Variants in PIGT observed in about 807,000 individuals in gnomAD.
The protein encoded by PIGT is GPI-anchor transamidase component PIGT.
PIGT carries 57 observed loss-of-function variants against 66.7 expected under a neutral mutation model. The observed-to-expected ratio is 0.86, with a 90% CI of 0.69 to 1.07. The LOEUF (loss-of-function observed/expected upper bound fraction) is 1.07. PIGT is among the 50% of genes least tolerant of loss of function. The probability of loss-of-function intolerance (pLI) is 0.00; values close to 1 mark genes in which losing one functional copy is unlikely to be tolerated. For synonymous variants in PIGT, 362 were observed against 320.5 expected (o/e 1.13, Z -1.38); for missense variants, 725 against 740.4 (o/e 0.98, Z 0.24).
In PIGT at chr20:45,420,137, A is replaced by C. The variant is rs748508874; in HGVS notation, c.683A>C (p.Asn228Thr). 1 of 1,609,924 alleles carries C rather than the reference A, an allele frequency of 6.2e-7. No homozygotes were observed. Among genetic ancestry groups the C allele is most frequent in the African/African-American group, 1.3e-5 (1 of 74,970 alleles). Residue 228 changes from asparagine to threonine, a missense_variant and splice_region_variant, in exon 6 of 12, where the codon AAT (asparagine) becomes ACT (threonine). Around this residue, in one of 3 missense-constraint regions of PIGT, gnomAD observed 559 missense variants for 552.7 expected, o/e 1.01. Transcript: ENST00000279036. ...GCTGCCATCTGGCCCTTGTGATAGA[A>C]TGCACGCTGTACTAGCATCTCCTGG... ...QAVHIRPVCRNARCTSISWEL... is the reference protein window; with the variant it reads ...QAVHIRPVCRTARCTSISWEL...
rs915624278 is a variant in PIGT, at chr20:45,420,884, A to G, written c.1033+191A>G. The stretch of plus-strand genomic sequence containing the variant: ...CTAAACTCCCCAAGCTTCAGCATCC[A>G]CATCTGAAAAATAGAGTATACTTAG... On this transcript the variant is annotated intron_variant, in intron 8 of 11. Transcript: ENST00000279036. The G allele has an allele frequency of 1.4e-4, 89 of 615,668 alleles. No individual in the cohort carries two copies. In the South Asian group the frequency reaches 1.7e-3, roughly 12 times the overall value. 38.1% of individuals were successfully genotyped at this position (615,668 alleles called of 1,614,324 possible). A position where few individuals can be genotyped will look rare whatever the true frequency, so the allele number is the denominator to read the frequency against.
chr20:45,419,758 G>C, intron 5 of PIGT, 168 bp downstream of exon 5: 1 of 631,824 alleles, frequency 1.6e-6, no homozygotes, highest in Non-Finnish European at 2.8e-6. Flanking sequence ...TGCCTAGCAA[G>C]CACTGAATAA....
At position 45,425,814 on chromosome 20, in the gene PIGT, C is replaced by T; in HGVS notation, c.1725C>T (p.Val575=). ...ACCTTATCCGGCGCGCCCGAGGTGTCCCCCCACTCTGATTCTTGCCCTTTC... is the reference window on the plus strand; with the variant it reads ...ACCTTATCCGGCGCGCCCGAGGTGTTCCCCCACTCTGATTCTTGCCCTTTC... ...LANLIRRARG[V]PPL Residue 575 remains valine (V), a synonymous_variant, in exon 12 of 12, where the codon GTC becomes GTT. Coordinates refer to ENST00000279036, the MANE Select transcript of PIGT (RefSeq NM_015937.6). 1 of 1,613,214 alleles carries T rather than the reference C, an allele frequency of 6.2e-7. No homozygotes were observed. The highest frequency in any genetic ancestry group is 1.1e-5 in the South Asian group (1 of 91,044).
intron 9 of PIGT, chr20:45,421,844 T>C: frequency 2.4e-6 from 1 of 410,370 alleles, no homozygotes; most frequent in East Asian, 4.3e-5. Context: ...AGCTTCCTTT[T>C]TCACTTACTT....
chr20:45,420,840 T>A, intron 8 of PIGT, 147 bp downstream of exon 8: 1 of 805,356 alleles, frequency 1.2e-6, no homozygotes, highest in Non-Finnish European at 2.0e-6. Context: ...TTCCAAGCTC[T>A]ACGATTTTGG....
At position 45,421,177 on chromosome 20, in the gene PIGT, A is replaced by G. The variant is rs142511269; in HGVS notation, c.1034-206A>G. ...GGGGCACGGTGTTCGTCACGTAAGC[A>G]CTTCAATACTAGCAACCTATTGTCA... is the stretch of plus-strand genomic sequence containing the variant. On this transcript the variant is annotated intron_variant, in intron 8 of 11. Transcript: ENST00000279036. 1.7e-3 allele frequency: 987 copies of G among 587,126 alleles called. 8 individuals carry two copies. The highest frequency in any genetic ancestry group is 0.016 in the African/African-American group (860 of 53,712). 36.4% of individuals were successfully genotyped at this position (587,126 alleles called of 1,614,324 possible).
At position 45,416,153 on chromosome 20, in the gene PIGT, A is replaced by C; in HGVS notation, c.-4A>C. On this transcript the variant is annotated 5_prime_UTR_variant, in exon 1 of 12. Coordinates refer to ENST00000279036, the MANE Select transcript of PIGT (RefSeq NM_015937.6). ...CCGCTGGGTAGGCGGAAGTAGCCGC[A>C]GGCATGGCGGCGGCTATGCCGCTTG... 6.4e-7 allele frequency: 1 copy of C among 1,553,522 alleles called. No homozygotes were observed. The highest frequency in any genetic ancestry group is 8.7e-7 in the Non-Finnish European group (1 of 1,151,234).
rs1568950600 is a variant in PIGT at position 45,421,435 on chromosome 20, G to C, written c.1086G>C (p.Gly362=). The C allele has an allele frequency of 6.2e-7, 1 of 1,614,064 alleles. No individual in the cohort carries two copies. Among genetic ancestry groups the C allele is most frequent in the Admixed American group, 1.7e-5 (1 of 60,004 alleles). Residue 362 remains glycine, a synonymous_variant, in exon 9 of 12, where the codon GGG becomes GGC. Coordinates refer to ENST00000279036, the MANE Select transcript of PIGT (RefSeq NM_015937.6). Reference sequence around the variant, plus strand: ...CCCAGCGGTACGTGAGTGGCTATGGGCTGCAGAAGGGGGAGCTGAGCACAC... The same window carrying C: ...CCCAGCGGTACGTGAGTGGCTATGGCCTGCAGAAGGGGGAGCTGAGCACAC... The part of the protein sequence containing the change: ...LHAQRYVSGY[G]LQKGELSTLL...
At position 45,425,802 on chromosome 20, in the gene PIGT, C is replaced by T. The variant is rs749317377; in HGVS notation, c.1713C>T (p.Arg571=). 1.7e-5 allele frequency: 27 copies of T among 1,613,696 alleles called. No individual in the cohort carries two copies. The highest frequency in any genetic ancestry group is 1.5e-4 in the South Asian group (14 of 91,078). ...LAKRLANLIR[R]ARGVPPL ...AGCGGCTGGCCAACCTTATCCGGCG[C>T]GCCCGAGGTGTCCCCCCACTCTGAT... The change falls in exon 12 of 12, where the codon CGC becomes CGT. Residue 571 remains arginine (R), a synonymous_variant. Coordinates refer to ENST00000279036, the MANE Select transcript of PIGT (RefSeq NM_015937.6).
At position 45,416,170 on chromosome 20, in the gene PIGT, T is replaced by A. The variant is rs781053056; in HGVS notation, c.14T>A (p.Met5Lys). 1.3e-6 allele frequency: 2 copies of A among 1,571,082 alleles called. No individual in the cohort carries two copies. The highest frequency in any genetic ancestry group is 8.6e-7 in the Non-Finnish European group (1 of 1,160,174). The change falls in exon 1 of 12, where the codon ATG becomes AAG. Residue 5 changes from methionine (M) to lysine (K), a missense_variant. Coordinates refer to ENST00000279036, the MANE Select transcript of PIGT (RefSeq NM_015937.6). ...GTAGCCGCAGGCATGGCGGCGGCTA[T>A]GCCGCTTGCTCTGCTCGTCCTGTTG... MAAA[M>K]PLALLVLLLL...
At chr20:45,419,133 T>C in intron 3 of PIGT, 154 bp downstream of exon 3, 2 of 1,113,592 alleles carry the variant, frequency 1.8e-6, no homozygotes, top group Non-Finnish European at 2.6e-6. Context: ...TCTGCATGCC[T>C]TTTCCCAAGG....
At chr20:45,418,504 A>T in intron 2 of PIGT, 1 of 348,352 alleles carries the variant, frequency 2.9e-6, no homozygotes, top group Non-Finnish European at 5.6e-6. Flanking sequence ...GACTGTGCTT[A>T]AGGAGGGCAG....
intron 5 of PIGT, 53 bp downstream of exon 5, chr20:45,419,643 A>C (rs1039428461): frequency 8.1e-7 from 1 of 1,232,858 alleles, no homozygotes; most frequent in East Asian, 2.3e-5. Flanking sequence ...GAGAAGGTAC[A>C]TGTAAAGCAT....
chr20:45,416,583 T>C lies in PIGT; in HGVS notation c.254T>C (p.Leu85Pro). The C allele has an allele frequency of 6.2e-7, 1 of 1,614,216 alleles. No individual in the cohort carries two copies. Among genetic ancestry groups the C allele is most frequent in the Non-Finnish European group, 8.5e-7 (1 of 1,180,028 alleles). The stretch of plus-strand genomic sequence containing the variant: ...ATCTCCAAGTATTCTCTACGGGAGC[T>C]GCACCTGTCATTCACACAAGGCTTT... ...QLISKYSLRE[L>P]HLSFTQGFWR... is the part of the protein sequence containing the mutation. The change falls in exon 2 of 12, where the codon CTG (leucine) becomes CCG (proline). Residue 85 changes from leucine (L) to proline (P), a missense_variant. Transcript: ENST00000279036.
chr20:45,417,269 A>G (rs1307998998), intron 2 of PIGT: 4 of 152,260 alleles, frequency 2.6e-5, no homozygotes, highest in African/African-American at 9.6e-5. Context: ...TAAAATTGAC[A>G]AACACAGGAA....
chr20:45,420,756 C>T (rs1270212715), intron 8 of PIGT, 63 bp downstream of exon 8: 15 of 1,519,690 alleles, frequency 9.9e-6, no homozygotes, highest in African/African-American at 1.4e-5. Context: ...CTCACAATCC[C>T]ACGTCTTTGC....
In PIGT at chr20:45,419,708, G is replaced by T; in HGVS notation, c.681+118G>T. On this transcript the variant is annotated intron_variant, in intron 5 of 11. Coordinates refer to ENST00000279036, the MANE Select transcript of PIGT (RefSeq NM_015937.6). ...GTACTGAGTGGTAGATGTGATGACG[G>T]TTATTCAGGGCATTGGCCAAGCACC... 2.6e-6 allele frequency: 2 copies of T among 760,048 alleles called. 1 individual carries two copies. Among genetic ancestry groups the T allele is most frequent in the Non-Finnish European group, 4.7e-6 (2 of 427,644 alleles). 47.1% of individuals were successfully genotyped at this position (760,048 alleles called of 1,614,324 possible). A position where few individuals can be genotyped will look rare whatever the true frequency, so the allele number is the denominator to read the frequency against.
In PIGT at chr20:45,425,839, C is replaced by G. The variant is rs574732780; in HGVS notation, c.*13C>G. ...CCCCCCACTCTGATTCTTGCCCTTT[C>G]CAGCAGCTGCAGCTGCCGTTTCTCT... is the stretch of plus-strand genomic sequence containing the variant. On this transcript the variant is annotated 3_prime_UTR_variant, in exon 12 of 12. Transcript: ENST00000279036. 1.9e-5 allele frequency: 31 copies of G among 1,607,962 alleles called. No homozygotes were observed. Among genetic ancestry groups the G allele is most frequent in the Non-Finnish European group, 2.6e-5 (30 of 1,176,028 alleles).
intron 11 of PIGT, 80 bp downstream of exon 11, chr20:45,424,659 G>A: frequency 9.7e-7 from 1 of 1,026,894 alleles, no homozygotes; most frequent in Non-Finnish European, 1.5e-6. Flanking sequence ...CTCCTGCAGG[G>A]GAGTTCAGGG....
Sources: allele counts gnomAD v4.1 joint callset, GRCh38; gene constraint gnomAD v4.1.1; regional missense constraint gnomAD v4.1.1; transcripts MANE v1.5; gene names NCBI Gene and HGNC (gene_info 2026-07-23, HGNC 2026-07-21).